AP4E1: variants seen among roughly 807,000 people sequenced by gnomAD.
The protein encoded by AP4E1 is AP-4 complex subunit epsilon-1.
Under a neutral mutation model 128.2 loss-of-function variants are expected in AP4E1, and 56 were observed. The observed-to-expected ratio is 0.44, with a 90% CI of 0.35 to 0.55. The LOEUF (loss-of-function observed/expected upper bound fraction) is 0.55, where lower values mean the gene tolerates loss of function less well. Ranked by LOEUF, AP4E1 falls within the 20% of genes least tolerant of loss-of-function variation. The probability of loss-of-function intolerance (pLI) is 0.00; values close to 1 mark genes in which losing one functional copy is unlikely to be tolerated. For synonymous variants in AP4E1, 484 were observed against 473.1 expected, an observed-to-expected ratio of 1.02 and a Z score of -0.30; for missense variants, 1,324 against 1,307.7, an observed-to-expected ratio of 1.01 and a Z score of -0.19.
chr15:50,958,554 C>T lies in AP4E1; in HGVS notation c.1611C>T (p.Leu537=), dbSNP rs1462932558. 6.2e-7 allele frequency: 1 copy of T among 1,614,010 alleles called. No individual in the cohort carries two copies. Among genetic ancestry groups the T allele is most frequent in the East Asian group, 2.2e-5 (1 of 44,830 alleles). ...CGCCAGAGGAAGTTATAGCTAAGCT[C>T]TACAAGTTACTTATGAATGACTCTG... ...KETPEEVIAK[L]YKLLMNDSVS... is the part of the protein sequence containing the mutation. The change falls in exon 14 of 21, where the codon CTC becomes CTT. Residue 537 remains leucine, a synonymous_variant. Transcript: ENST00000261842.
chr15:50,966,451 T>C (rs1416587763), intron 14 of AP4E1, among the ~76,000 whole-genome samples: 1 of 152,026 alleles, frequency 6.6e-6, no homozygotes, highest in African/African-American at 2.4e-5. Flanking sequence ...CACAGTATTA[T>C]ATTAGGGAGT....
chr15:50,908,778 G>A lies in AP4E1; in HGVS notation c.-1G>A, dbSNP rs750308874. 1.7e-5 allele frequency: 26 copies of A among 1,540,296 alleles called. No individual in the cohort carries two copies. The highest frequency in any genetic ancestry group is 1.6e-4 in the East Asian group (6 of 38,346). ...CGGCGGCATCGCGGGCGGCGGCGGC[G>A]ATGAGCGACATAGTGGAGAAGACGC... On this transcript the variant is annotated 5_prime_UTR_variant, in exon 1 of 21. Transcript: ENST00000261842.
intron 16 of AP4E1, among the ~76,000 whole-genome samples, chr15:50,986,667 C>G (rs1262196573): frequency 1.3e-5 from 2 of 152,154 alleles, no homozygotes; most frequent in African/African-American, 4.8e-5. Flanking sequence ...CCCACTTGAT[C>G]ATGGTGGATA....
intron 2 of AP4E1, among the ~76,000 whole-genome samples, chr15:50,912,687 TCGCTCTGTTGC>T (rs2063579823): frequency 6.6e-6 from 1 of 150,818 alleles, no homozygotes; most frequent in Non-Finnish European, 1.5e-5. Context: ...AGACGGAGTC[TCGCTCTGTTGC>T]CCAAGCTGGA....
At chr15:50,962,737 C>T (rs1329093323) in intron 14 of AP4E1, among the ~76,000 whole-genome samples, 1 of 151,382 alleles carries the variant, frequency 6.6e-6, no homozygotes, top group Admixed American at 6.6e-5. Flanking sequence ...GCAAAAAAGA[C>T]AAAAATGACA....
At chr15:50,988,475 C>T (rs1018842420) in intron 16 of AP4E1, among the ~76,000 whole-genome samples, 29 of 152,110 alleles carry the variant, frequency 1.9e-4, no homozygotes, top group African/African-American at 6.5e-4. Flanking sequence ...CCACCATACC[C>T]GGCTAATTTT....
intron 14 of AP4E1, among the ~76,000 whole-genome samples, chr15:50,960,952 G>T (rs2064304555): frequency 6.6e-6 from 1 of 151,918 alleles, no homozygotes; most frequent in South Asian, 2.1e-4. Context: ...CATTATAATG[G>T]CTACCATAGA....
chr15:50,967,227 A>G (rs936840122), intron 14 of AP4E1, among the ~76,000 whole-genome samples: 1 of 152,202 alleles, frequency 6.6e-6, no homozygotes, highest in African/African-American at 2.4e-5. Context: ...GATGTCCATG[A>G]CTTAATCTCT....
At chr15:50,945,681 T>C in intron 10 of AP4E1, 1 of 785,580 alleles carries the variant, frequency 1.3e-6, no homozygotes, top group Admixed American at 1.7e-5. Flanking sequence ...GCAAGTATAT[T>C]ATGTGTGGAT....
intron 3 of AP4E1, among the ~76,000 whole-genome samples, chr15:50,917,592 T>A (rs1004412097): frequency 6.6e-6 from 1 of 152,150 alleles, no homozygotes; most frequent in Non-Finnish European, 1.5e-5. Flanking sequence ...AGGAAAAATA[T>A]TTATGAACAG....
intron 3 of AP4E1, among the ~76,000 whole-genome samples, chr15:50,918,288 A>C (rs1697093058): frequency 6.6e-6 from 1 of 152,236 alleles, no homozygotes; most frequent in Non-Finnish European, 1.5e-5. Flanking sequence ...ACTACCTGGG[A>C]ACCTGTTTAA....
At chr15:50,951,767 A>C (rs12902894) in intron 13 of AP4E1, among the ~76,000 whole-genome samples, 62,525 of 145,710 alleles carry the variant, frequency 0.43, 13,655 homozygotes, top group East Asian at 0.58. Flanking sequence ...TTCTCTGTCA[A>C]CCAGACTGGA....
chr15:50,914,711 A>G (rs2063607888), intron 2 of AP4E1, among the ~76,000 whole-genome samples: 1 of 151,632 alleles, frequency 6.6e-6, no homozygotes, highest in South Asian at 2.1e-4. Flanking sequence ...CATTTTATTT[A>G]TATATTTTAC....
intron 13 of AP4E1, among the ~76,000 whole-genome samples, chr15:50,958,119 C>A (rs1369434397): frequency 1.3e-5 from 2 of 151,974 alleles, no homozygotes; most frequent in Admixed American, 1.3e-4. Context: ...TAATGAAACA[C>A]CTTAAGTGCC....
Position 50,948,060 on chromosome 15 carries a change from T to G in AP4E1, c.1217T>G (p.Ile406Arg). 6.2e-7 allele frequency: 1 copy of G among 1,610,736 alleles called. No homozygotes were observed. The highest frequency in any genetic ancestry group is 8.5e-7 in the Non-Finnish European group (1 of 1,177,120). ...TACAGAATTACTAATGCACAGAATA[T>G]AACAGTTATTGTCCAGAAAATGCTT... ...LLYRITNAQN[I>R]TVIVQKMLEY... Residue 406 changes from isoleucine to arginine, a missense_variant, in exon 11 of 21, where the codon ATA (isoleucine) becomes AGA (arginine). Physicochemically the swap from Ile to Arg is moderately conservative, Grantham distance 97 (BLOSUM62 -3). Transcript: ENST00000261842.
Position 50,997,627 on chromosome 15 carries a change from T to G in AP4E1, c.2648T>G (p.Met883Arg), listed in dbSNP as rs759419105. Residue 883 changes from methionine to arginine, a missense_variant, in exon 18 of 21, where the codon ATG (methionine) becomes AGG (arginine). By Grantham distance (91) the Met-to-Arg change is moderately conservative. Transcript: ENST00000261842. ...STPSLFANNN[M>R]EIFHPPQSTA... ...CCTTCATTGTTTGCTAATAACAACA[T>G]GGAAATTTTTCACCCTCCTCAATCT... 1 of 1,614,120 alleles carries G rather than the reference T, an allele frequency of 6.2e-7. No homozygotes were observed. Among genetic ancestry groups the G allele is most frequent in the Non-Finnish European group, 8.5e-7 (1 of 1,179,994 alleles).
chr15:50,968,342 A>G lies in AP4E1; in HGVS notation c.1931A>G (p.His644Arg), dbSNP rs1470099420. 6.2e-7 allele frequency: 1 copy of G among 1,613,616 alleles called. No homozygotes were observed. Among genetic ancestry groups the G allele is most frequent in the Non-Finnish European group, 8.5e-7 (1 of 1,179,730 alleles). ...GGTGCAGCGCCTTACAAACCTCCCC[A>G]TCAACGCCAGGAGGAAAAGCTTTCT... Reference protein sequence around the residue: ...SQGAAPYKPPHQRQEEKLSQE... With the variant: ...SQGAAPYKPPRQRQEEKLSQE... The change falls in exon 15 of 21, where the codon CAT becomes CGT. Residue 644 changes from histidine to arginine, a missense_variant. Coordinates refer to ENST00000261842, the MANE Select transcript of AP4E1 (RefSeq NM_007347.5).
At chr15:50,941,860 G>A (rs1009584077) in intron 10 of AP4E1, 85 bp downstream of exon 10, 2 of 952,332 alleles carry the variant, frequency 2.1e-6, no homozygotes, top group Admixed American at 4.0e-5. Context: ...TTAAAGTGGT[G>A]GGCAGTGTGT....
In AP4E1 at chr15:50,993,635, C is replaced by G; in HGVS notation, c.2346+10C>G. ...AAGTACAATCAACCTGGTAAGTAATCGGTTCTATTCCTGTAAGAATCTTTG... is the reference window on the plus strand; with the variant it reads ...AAGTACAATCAACCTGGTAAGTAATGGGTTCTATTCCTGTAAGAATCTTTG... On this transcript the variant is annotated intron_variant, in intron 17 of 20. Coordinates refer to ENST00000261842, the MANE Select transcript of AP4E1 (RefSeq NM_007347.5). 1 of 1,613,698 alleles carries G rather than the reference C, an allele frequency of 6.2e-7. No homozygotes were observed. Among genetic ancestry groups the G allele is most frequent in the Non-Finnish European group, 8.5e-7 (1 of 1,179,816 alleles).
Sources: allele counts gnomAD v4.1 joint callset (sites outside exome capture counted in the v4.1 genomes callset), GRCh38; gene constraint gnomAD v4.1.1; transcripts MANE v1.5; gene names NCBI Gene and HGNC (gene_info 2026-07-23, HGNC 2026-07-21).